CPLX2: variants seen among roughly 807,000 people sequenced by gnomAD.
CPLX2 encodes complexin-2.
Under a neutral mutation model 16.3 loss-of-function variants are expected in CPLX2, and 5 were observed. The observed-to-expected ratio is 0.31, with a 90% confidence interval of 0.16 to 0.64. The LOEUF (loss-of-function observed/expected upper bound fraction) is 0.64. CPLX2 is among the 30% of genes least tolerant of loss of function. The pLI is 0.79. For missense variants in CPLX2, 144 were observed against 181.4 expected (o/e 0.79, Z 1.18); for synonymous variants, 89 against 73.2 (o/e 1.22, Z -1.10).
At chr5:175,877,073 C>T (rs908179811) in intron 1 of CPLX2, among the ~76,000 whole-genome samples, 3 of 152,178 alleles carry the variant, frequency 2.0e-5, no homozygotes, top group African/African-American at 2.4e-5. Flanking sequence ...CTCCTTCAAA[C>T]GTCCATTCAA....
chr5:175,813,367 T>C (rs146415579), intron 2 of CPLX2, among the ~76,000 whole-genome samples: 3 of 152,274 alleles, frequency 2.0e-5, no homozygotes, highest in African/African-American at 7.2e-5. Context: ...TTGGGGGAAA[T>C]TGAGAGAATC....
intron 1 of CPLX2, among the ~76,000 whole-genome samples, chr5:175,801,288 G>A (rs1355408619): frequency 6.6e-6 from 1 of 152,178 alleles, no homozygotes; most frequent in East Asian, 1.9e-4. Context: ...ACCTGGAGGA[G>A]GTCAGCATTC....
chr5:175,878,675 G>A lies in CPLX2; in HGVS notation c.-65G>A, dbSNP rs1755473364. On this transcript the variant is annotated 5_prime_UTR_variant, in exon 2 of 4. Transcript: ENST00000393745. ...AGGTTGTCACATCTTCCCAAGCCAG[G>A]CCAGCCAGGAGCGCTGCATGCAAAT... 7 of 1,586,430 alleles carry A rather than the reference G, an allele frequency of 4.4e-6. No homozygotes were observed. Among genetic ancestry groups the A allele is most frequent in the South Asian group, 1.1e-5 (1 of 87,352 alleles).
intron 2 of CPLX2, among the ~76,000 whole-genome samples, chr5:175,855,896 A>T (rs1227121359): frequency 6.6e-6 from 1 of 152,168 alleles, no homozygotes; most frequent in Non-Finnish European, 1.5e-5. Context: ...TGCTATACGG[A>T]AGAAAGGCTA....
At chr5:175,875,140 G>A (rs1759728308) in intron 1 of CPLX2, among the ~76,000 whole-genome samples, 1 of 152,186 alleles carries the variant, frequency 6.6e-6, no homozygotes, top group Non-Finnish European at 1.5e-5. Context: ...GAGAGGTAGG[G>A]CTTGACTGGG....
At chr5:175,861,394 G>A (rs1219823640) in intron 2 of CPLX2, among the ~76,000 whole-genome samples, 1 of 152,176 alleles carries the variant, frequency 6.6e-6, no homozygotes, top group Non-Finnish European at 1.5e-5. Context: ...AAGAGTTGAG[G>A]TAAACAGGTT....
rs185459234 is a variant in CPLX2, at chr5:175,824,854, C to G, written c.-89+15786C>G. On this transcript the variant is annotated intron_variant, in intron 2 of 4. Coordinates refer to the CPLX2 transcript ENST00000359546. ...CAGGATTCCAGCAGGTGTGTCCAAC[C>G]GACCGTGAAACTTTTTCCACCTCAC... Among the ~76,000 whole-genome samples the G allele has an allele frequency of 7.4e-4, 113 of 152,236 alleles. 1 individual carries two copies. Among genetic ancestry groups the G allele is most frequent in the African/African-American group, 2.6e-3 (106 of 41,544 alleles).
At chr5:175,824,991 T>G (rs765958258) in intron 2 of CPLX2, among the ~76,000 whole-genome samples, 2 of 152,130 alleles carry the variant, frequency 1.3e-5, no homozygotes, top group African/African-American at 2.4e-5. Context: ...GAGCCCCCAT[T>G]CCCTCCTCTG....
intron 2 of CPLX2, among the ~76,000 whole-genome samples, chr5:175,852,728 G>A (rs911731112): frequency 6.6e-6 from 1 of 152,194 alleles, no homozygotes; most frequent in Non-Finnish European, 1.5e-5. Flanking sequence ...TTGCCTCCCT[G>A]GTACTGGAAG....
chr5:175,869,444 A>G (rs1424714021), upstream of CPLX2, among the ~76,000 whole-genome samples: 2 of 151,800 alleles, frequency 1.3e-5, no homozygotes, highest in Non-Finnish European at 1.5e-5. Flanking sequence ...TCCTATGGAG[A>G]GCCAGTTCTT....
At chr5:175,869,493 C>G (rs988337305), upstream of CPLX2, among the ~76,000 whole-genome samples, 6 of 152,316 alleles carry the variant, frequency 3.9e-5, no homozygotes, top group South Asian at 1.2e-3. Context: ...ACCTTTCCCC[C>G]ATTGCCCTAA....
chr5:175,868,585 C>A (rs758503714), upstream of CPLX2, among the ~76,000 whole-genome samples: 3 of 152,174 alleles, frequency 2.0e-5, no homozygotes, highest in South Asian at 4.1e-4. Flanking sequence ...CGGCAAGAAC[C>A]TGCGGCTGGG....
Position 175,880,134 on chromosome 5 carries a change from A to G in CPLX2, c.*89A>G. 6.9e-7 allele frequency: 1 copy of G among 1,442,692 alleles called. No individual in the cohort carries two copies. The highest frequency in any genetic ancestry group is 9.5e-7 in the Non-Finnish European group (1 of 1,047,500). 89.4% of individuals were successfully genotyped at this position (1,442,692 alleles called of 1,614,324 possible). A position where few individuals can be genotyped will look rare whatever the true frequency, so the allele number is the denominator to read the frequency against. On this transcript the variant is annotated 3_prime_UTR_variant, in exon 4 of 4. Transcript: ENST00000393745. ...TTATTAGGTTAAGTCTCAATTCTGA[A>G]GGGGAAAACCTCAGTTGGCCTCTGC...
rs1759657896 is a variant in CPLX2 at position 175,872,623 on chromosome 5, G to T, written c.-89+918G>T. On this transcript the variant is annotated intron_variant, in intron 1 of 3. Transcript: ENST00000393745. The surrounding 1 kb of genome is among the most constrained non-coding windows in gnomAD (Gnocchi z 5.0). ...CACTTCCGCTTTTCAGCCGGAGTCG[G>T]CTCCCTACCTCCTCCCATCCTCCGC... is the stretch of plus-strand genomic sequence containing the variant. Among the ~76,000 whole-genome samples, 1 of 152,106 alleles carries T rather than the reference G, an allele frequency of 6.6e-6. No individual in the cohort carries two copies. The highest frequency in any genetic ancestry group is 1.5e-5 in the Non-Finnish European group (1 of 68,000).
intron 2 of CPLX2, among the ~76,000 whole-genome samples, chr5:175,814,931 T>C (rs1255902633): frequency 6.6e-6 from 1 of 151,960 alleles, no homozygotes; most frequent in Non-Finnish European, 1.5e-5. Flanking sequence ...GCCCAAAGCA[T>C]GGCGGCTTGA....
At position 175,872,418 on chromosome 5, in the gene CPLX2, G is replaced by C. The variant is rs1009454743; in HGVS notation, c.-89+713G>C. On this transcript the variant is annotated intron_variant, in intron 1 of 3. Coordinates refer to ENST00000393745, the MANE Select transcript of CPLX2 (RefSeq NM_001008220.2). This position sits in a 1 kb window ranked among gnomAD's most constrained non-coding sequence, Gnocchi z 5.0. The stretch of plus-strand genomic sequence containing the variant: ...TCAATCTGCCCCCTTCCCCAGCAAA[G>C]TTTGAAACCGGGCCGGGTCTTGGGG... Among the ~76,000 whole-genome samples the C allele has an allele frequency of 6.6e-6, 1 of 152,138 alleles. No individual in the cohort carries two copies. The highest frequency in any genetic ancestry group is 1.5e-5 in the Non-Finnish European group (1 of 68,016).
At position 175,845,183 on chromosome 5, in the gene CPLX2, A is replaced by C. The variant is rs1759018883; in HGVS notation, c.-88-33469A>C. Among the ~76,000 whole-genome samples, 1 of 152,236 alleles carries C rather than the reference A, an allele frequency of 6.6e-6. No homozygotes were observed. Among genetic ancestry groups the C allele is most frequent in the Non-Finnish European group, 1.5e-5 (1 of 68,036 alleles). On this transcript the variant is annotated intron_variant, in intron 2 of 4. Coordinates refer to the CPLX2 transcript ENST00000359546. The surrounding 1 kb of genome is among the most constrained non-coding windows in gnomAD (Gnocchi z 4.0). ...TTCACAACCACTCTGTGTGGGAGTC[A>C]ACAGCAGACACCTTTTCCAAACCAG...
Position 175,845,721 on chromosome 5 carries a change from C to T in CPLX2, c.-88-32931C>T, listed in dbSNP as rs1357785322. ...CACTGCCTGGCACAGAGAAAGAGCCCGAGGGATATTTGTGGGATAAATGGA... is the reference window on the plus strand; with the variant it reads ...CACTGCCTGGCACAGAGAAAGAGCCTGAGGGATATTTGTGGGATAAATGGA... On this transcript the variant is annotated intron_variant, in intron 2 of 4. Coordinates refer to the CPLX2 transcript ENST00000359546. This position sits in a 1 kb window ranked among gnomAD's most constrained non-coding sequence, Gnocchi z 4.0. Among the ~76,000 whole-genome samples the T allele has an allele frequency of 2.0e-5, 3 of 152,168 alleles. No individual in the cohort carries two copies. The highest frequency in any genetic ancestry group is 1.9e-4 in the East Asian group (1 of 5,180).
At chr5:175,805,749 G>A (rs1174334943) in intron 1 of CPLX2, 1 of 152,418 alleles carries the variant, frequency 6.6e-6, no homozygotes, top group East Asian at 1.9e-4. Context: ...AGGTGGTAGG[G>A]GAAGCCTTTG....
Sources: allele counts gnomAD v4.1 joint callset (sites outside exome capture counted in the v4.1 genomes callset), GRCh38; gene constraint gnomAD v4.1.1; non-coding constraint Gnocchi (gnomAD v3.1); transcripts MANE v1.5; gene names NCBI Gene and HGNC (gene_info 2026-07-23, HGNC 2026-07-21).